The following CRISP3 variants were observed in gnomAD, a reference collection of about 807,000 sequenced individuals.
CRISP3 encodes the protein cysteine rich secretory protein 3.
Under a neutral mutation model 36.1 loss-of-function variants are expected in CRISP3, and 33 were observed. The observed-to-expected ratio is 0.91, with a 90% CI of 0.69 to 1.22. The LOEUF is 1.22. Among genes scored for constraint, CRISP3 ranks in the 50% most tolerant of loss-of-function variants. The probability of loss-of-function intolerance (pLI) is 0.00; values close to 1 mark genes in which losing one functional copy is unlikely to be tolerated. For synonymous variants in CRISP3, 117 were observed against 104.6 expected (o/e 1.12, Z -0.72); for missense variants, 330 against 301.2 (o/e 1.10, Z -0.71).
chr6:49,730,915 G>T (rs1004486218), intron 7 of CRISP3, among the ~76,000 whole-genome samples: 4 of 152,158 alleles, frequency 2.6e-5, no homozygotes, highest in African/African-American at 9.7e-5. Context: ...GGTGGCACGT[G>T]CCTGTAGTCC....
intron 1 of CRISP3, among the ~76,000 whole-genome samples, chr6:49,737,966 C>A (rs1005980300): frequency 6.6e-6 from 1 of 152,124 alleles, no homozygotes; most frequent in Admixed American, 6.5e-5. Flanking sequence ...TTATGCATAC[C>A]TTTAAACTAC....
At chr6:49,737,276 C>G (rs747881568) in intron 2 of CRISP3, 49 bp downstream of exon 2, 1 of 1,456,240 alleles carries the variant, frequency 6.9e-7, no homozygotes, top group Non-Finnish European at 9.6e-7. Context: ...AGCTTGCCAT[C>G]CCTCATGGTT....
intron 1 of CRISP3, among the ~76,000 whole-genome samples, chr6:49,739,903 G>T (rs1336743913): frequency 6.6e-6 from 1 of 152,092 alleles, no homozygotes; most frequent in Admixed American, 6.5e-5. Flanking sequence ...GAGTTATTTT[G>T]CTATGTGTAA....
At chr6:49,730,676 TATG>T (rs1232219098) in intron 7 of CRISP3, among the ~76,000 whole-genome samples, 1 of 152,202 alleles carries the variant, frequency 6.6e-6, no homozygotes, top group East Asian at 1.9e-4. Context: ...ACAGGTTACA[TATG>T]ATAACAGGCC....
intron 1 of CRISP3, among the ~76,000 whole-genome samples, chr6:49,740,325 T>A (rs1176503570): frequency 6.6e-6 from 1 of 152,144 alleles, no homozygotes; most frequent in Admixed American, 6.5e-5. Flanking sequence ...ATTTGCAAAT[T>A]AGGAAGTAGG....
chr6:49,735,364 T>G (rs1582193669), intron 4 of CRISP3, 140 bp downstream of exon 4: 3 of 610,358 alleles, frequency 4.9e-6, no homozygotes, highest in East Asian at 5.8e-5. Flanking sequence ...CAGAGTTATC[T>G]CTACATGTAG....
chr6:49,744,102 T>C (rs1214044634), intron 1 of CRISP3, among the ~76,000 whole-genome samples: 1 of 152,124 alleles, frequency 6.6e-6, no homozygotes, highest in Non-Finnish European at 1.5e-5. Flanking sequence ...TTATTTAAAT[T>C]TCAAACTGGA....
chr6:49,728,500 T>C lies in CRISP3; in HGVS notation c.*230A>G. On this transcript the variant is annotated 3_prime_UTR_variant, in exon 8 of 8. Coordinates refer to ENST00000263045, the MANE Select transcript of CRISP3 (RefSeq NM_006061.4). ...GTAAATTTAAATCACAAAGTTTATA[T>C]ATAAAAATCCAAAGTTGTTGTTATA... 1 of 317,926 alleles carries C rather than the reference T, an allele frequency of 3.1e-6. No individual in the cohort carries two copies. Among genetic ancestry groups the C allele is most frequent in the Non-Finnish European group, 5.6e-6 (1 of 177,776 alleles). 19.7% of individuals were successfully genotyped at this position (317,926 alleles called of 1,614,324 possible).
At chr6:49,742,864 A>C (rs1433593297) in intron 1 of CRISP3, among the ~76,000 whole-genome samples, 1 of 152,152 alleles carries the variant, frequency 6.6e-6, no homozygotes, top group Non-Finnish European at 1.5e-5. Context: ...CTATAGAAAT[A>C]TTTTAAAGGA....
intron 2 of CRISP3, 138 bp from the exon 3 acceptor site, chr6:49,736,645 A>G (rs888725414): frequency 1.1e-5 from 8 of 727,358 alleles, no homozygotes; most frequent in Non-Finnish European, 1.7e-5. Context: ...AATGACTGCC[A>G]AAGCTATGAC....
At chr6:49,743,236 GA>G (rs1462673217) in intron 1 of CRISP3, among the ~76,000 whole-genome samples, 5 of 151,974 alleles carry the variant, frequency 3.3e-5, no homozygotes, top group Non-Finnish European at 5.9e-5. Flanking sequence ...TAACGTAACT[GA>G]AATTCATAGC....
Position 49,735,447 on chromosome 6 carries a change from C to A in CRISP3, c.316+57G>T, listed in dbSNP as rs1022752540. The stretch of plus-strand genomic sequence containing the variant: ...AACTTTTCTTAATGCAACATCATAA[C>A]ATGGTTTATTATTTTACTTGTTGAT... On this transcript the variant is annotated intron_variant, in intron 4 of 7. Coordinates refer to ENST00000263045, the MANE Select transcript of CRISP3 (RefSeq NM_006061.4). 14 of 1,349,554 alleles carry A rather than the reference C, an allele frequency of 1.0e-5. No individual in the cohort carries two copies. In the African/African-American group the frequency reaches 1.7e-4, roughly 17 times the overall value. The allele number at this position is 1,349,554 out of a possible 1,614,324, so 83.6% of individuals were successfully genotyped here.
intron 1 of CRISP3, among the ~76,000 whole-genome samples, chr6:49,741,833 A>G (rs1418446552): frequency 6.8e-6 from 1 of 147,350 alleles, no homozygotes; most frequent in Non-Finnish European, 1.5e-5. Context: ...ATATACATAT[A>G]TATATATATA....
Position 49,737,390 on chromosome 6 carries a change from A to G in CRISP3, c.46T>C (p.Leu16=). Residue 16 remains leucine, a synonymous_variant, in exon 2 of 8, where the codon TTA becomes CTA. Coordinates refer to ENST00000263045, the MANE Select transcript of CRISP3 (RefSeq NM_006061.4). The part of the protein sequence containing the change: ...HPALETTAMT[L]FPVLLFLVAG... ...ACCAGGAACAACAGCACTGGGAATAATGTCATTGCTGGGAAAACAAAACCG... is the reference window on the plus strand; with the variant it reads ...ACCAGGAACAACAGCACTGGGAATAGTGTCATTGCTGGGAAAACAAAACCG... 6.2e-7 allele frequency: 1 copy of G among 1,614,020 alleles called. No homozygotes were observed. Among genetic ancestry groups the G allele is most frequent in the Non-Finnish European group, 8.5e-7 (1 of 1,179,942 alleles).
chr6:49,732,095 C>T (rs147549499), intron 6 of CRISP3, among the ~76,000 whole-genome samples: 1 of 152,286 alleles, frequency 6.6e-6, no homozygotes, highest in African/African-American at 2.4e-5. Flanking sequence ...CAGAATATAG[C>T]TGTTGGTGTG....
chr6:49,742,466 T>C (rs1024265367), intron 1 of CRISP3, among the ~76,000 whole-genome samples: 3 of 151,858 alleles, frequency 2.0e-5, no homozygotes, highest in African/African-American at 7.3e-5. Context: ...ACCTCGTCTC[T>C]ACTAAAACTA....
Position 49,733,771 on chromosome 6 carries a change from C to T in CRISP3, c.394G>A (p.Glu132Lys), listed in dbSNP as rs1452746312. ...WSQAIQSWFD[E>K]YNDFDFGVGP... ...ACACCAAAGTCAAAATCATTGTACT[C>T]ATCAAACCAGCTTTGGATTGCTTGT... The change falls in exon 5 of 8, where the codon GAG (glutamate) becomes AAG (lysine). Residue 132 changes from glutamate (E) to lysine (K), a missense_variant. Physicochemically the swap from Glu to Lys is moderately conservative, Grantham distance 56. Coordinates refer to ENST00000263045, the MANE Select transcript of CRISP3 (RefSeq NM_006061.4). 4 of 1,613,784 alleles carry T rather than the reference C, an allele frequency of 2.5e-6. No homozygotes were observed. The highest frequency in any genetic ancestry group is 1.1e-5 in the South Asian group (1 of 91,062).
chr6:49,739,207 A>C (rs1000204340), intron 1 of CRISP3, among the ~76,000 whole-genome samples: 1 of 152,232 alleles, frequency 6.6e-6, no homozygotes, highest in African/African-American at 2.4e-5. Context: ...CGTCTCCTGC[A>C]GAATTTGAGA....
At chr6:49,738,869 G>A (rs552754423) in intron 1 of CRISP3, among the ~76,000 whole-genome samples, 3 of 152,090 alleles carry the variant, frequency 2.0e-5, no homozygotes, top group Admixed American at 2.0e-4. Context: ...GACTTTGCTG[G>A]TATCCATTTG....
Sources: allele counts gnomAD v4.1 joint callset (sites outside exome capture counted in the v4.1 genomes callset), GRCh38; gene constraint gnomAD v4.1.1; transcripts MANE v1.5; gene names NCBI Gene and HGNC (gene_info 2026-07-23, HGNC 2026-07-21).